L3MBTL4: variants seen among roughly 807,000 people sequenced by gnomAD.
L3MBTL4 encodes the protein lethal(3)malignant brain tumor-like protein 4.
In L3MBTL4, 70 loss-of-function variants were observed where a neutral mutation model predicts 84.5. That is an observed-to-expected ratio of 0.83 (90% CI 0.68 to 1.01). The LOEUF (loss-of-function observed/expected upper bound fraction) is 1.01, where lower values mean the gene tolerates loss of function less well. Among genes scored for constraint, L3MBTL4 ranks in the 50% least tolerant of loss-of-function variants. The pLI, the probability that L3MBTL4 is intolerant of heterozygous loss-of-function variation, is 0.00. For synonymous variants in L3MBTL4, 274 were observed against 259.8 expected (o/e 1.05, Z -0.52); for missense variants, 715 against 754.8 (o/e 0.95, Z 0.62).
intron 1 of L3MBTL4, among the ~76,000 whole-genome samples, chr18:6,387,692 A>G (rs954058007): frequency 1.3e-5 from 2 of 152,218 alleles, no homozygotes; most frequent in Non-Finnish European, 2.9e-5. Context: ...TTTAATTGTT[A>G]GCATCTTTCA....
At chr18:6,285,824 T>A in intron 4 of L3MBTL4, among the ~76,000 whole-genome samples, 1 of 144,672 alleles carries the variant, frequency 6.9e-6, no homozygotes, top group Middle Eastern at 3.6e-3. Context: ...ATTATTATTA[T>A]TATTATTATT....
chr18:6,124,965 G>T (rs989079535), intron 14 of L3MBTL4, among the ~76,000 whole-genome samples: 1 of 132,484 alleles, frequency 7.5e-6, no homozygotes, highest in Non-Finnish European at 1.8e-5. Context: ...ATTAGGAAAA[G>T]AAAAGATAAA....
chr18:6,071,000 A>T (rs1476996055), intron 16 of L3MBTL4, among the ~76,000 whole-genome samples: 1 of 152,214 alleles, frequency 6.6e-6, no homozygotes, highest in Non-Finnish European at 1.5e-5. Flanking sequence ...TAATAGAGGG[A>T]GAATGGTATA....
intron 15 of L3MBTL4, among the ~76,000 whole-genome samples, chr18:6,081,990 T>A (rs1221602046): frequency 6.6e-6 from 1 of 152,148 alleles, no homozygotes; most frequent in South Asian, 2.1e-4. Context: ...ACTAACCACA[T>A]GTACTTAATC....
At chr18:6,171,773 G>A (rs568731789) in intron 13 of L3MBTL4, 55 bp downstream of exon 13, 9 of 1,034,890 alleles carry the variant, frequency 8.7e-6, no homozygotes, top group Admixed American at 2.3e-5. Context: ...GCAACATTAC[G>A]GCTGGAAATC....
intron 5 of L3MBTL4, among the ~76,000 whole-genome samples, chr18:6,247,359 T>C (rs980014879): frequency 2.0e-5 from 3 of 151,964 alleles, no homozygotes; most frequent in Non-Finnish European, 1.5e-5. Context: ...ATGTTACGAG[T>C]TGACGAGCCT....
chr18:6,253,751 T>C (rs573362494), intron 5 of L3MBTL4, among the ~76,000 whole-genome samples: 1 of 152,328 alleles, frequency 6.6e-6, no homozygotes, highest in African/African-American at 2.4e-5. Flanking sequence ...CAATAAATCT[T>C]TTCATCATAA....
chr18:6,163,288 TGTGTGTGTGTGTGTGTGTGG>T (rs796762428), intron 13 of L3MBTL4, among the ~76,000 whole-genome samples: 2,230 of 126,228 alleles, frequency 0.018, 100 homozygotes, highest in African/African-American at 0.07. Context: ...TGTGTGTGTG[TGTGTGTGTGTGTGTGTGTGG>T]GTGGGTGTGT....
intron 16 of L3MBTL4, among the ~76,000 whole-genome samples, chr18:6,057,026 T>G (rs922358222): frequency 1.3e-5 from 2 of 152,058 alleles, no homozygotes. Flanking sequence ...TTTCTTTCTT[T>G]CTTTCTTTTT....
intron 16 of L3MBTL4, among the ~76,000 whole-genome samples, chr18:5,984,122 G>A (rs772977768): frequency 2.6e-4 from 39 of 152,260 alleles, no homozygotes; most frequent in Admixed American, 3.9e-4. Flanking sequence ...ATGTTGGCCA[G>A]GCTGGTCTTG....
Position 6,091,820 on chromosome 18 carries a change from T to C in L3MBTL4, c.1373+1535A>G, listed in dbSNP as rs1598720685. Among the ~76,000 whole-genome samples, 6 of 152,332 alleles carry C rather than the reference T, an allele frequency of 3.9e-5. No individual in the cohort carries two copies. In the South Asian group the frequency reaches 1.2e-3, roughly 32 times the overall value. On this transcript the variant is annotated intron_variant, in intron 15 of 18. Transcript: ENST00000317931. ...ATTTACAAGTGAAACTGACTAGGTT[T>C]TTATTTGAAAAAATACAACAGATTA...
chr18:6,178,573 T>C (rs1038554076), intron 12 of L3MBTL4, among the ~76,000 whole-genome samples: 5 of 152,198 alleles, frequency 3.3e-5, no homozygotes, highest in Non-Finnish European at 7.3e-5. Flanking sequence ...TGGGTTTGCA[T>C]AAAATAAACA....
chr18:6,142,074 G>C (rs1160543961), intron 13 of L3MBTL4, among the ~76,000 whole-genome samples: 1 of 152,114 alleles, frequency 6.6e-6, no homozygotes, highest in Non-Finnish European at 1.5e-5. Flanking sequence ...TTCACATCTT[G>C]GCTTATATTT....
chr18:6,308,149 G>T (rs551220244), intron 3 of L3MBTL4, among the ~76,000 whole-genome samples: 1 of 152,194 alleles, frequency 6.6e-6, no homozygotes, highest in Non-Finnish European at 1.5e-5. Context: ...TTATCTTTGT[G>T]TTGGAAGTTG....
chr18:6,179,029 T>C (rs1475626298), intron 12 of L3MBTL4, among the ~76,000 whole-genome samples: 1 of 152,226 alleles, frequency 6.6e-6, no homozygotes, highest in Admixed American at 6.5e-5. Context: ...CTTCTCATTG[T>C]TCTTTTGGGC....
At chr18:6,343,586 C>T (rs140465008) in intron 1 of L3MBTL4, among the ~76,000 whole-genome samples, 27 of 148,504 alleles carry the variant, frequency 1.8e-4, no homozygotes, top group African/African-American at 6.8e-4. Context: ...GGCGTGAACC[C>T]AAGAGGCAGA....
chr18:6,067,186 T>C (rs2145938861), intron 16 of L3MBTL4, among the ~76,000 whole-genome samples: 1 of 152,310 alleles, frequency 6.6e-6, no homozygotes, highest in East Asian at 1.9e-4. Flanking sequence ...GGATAGGTTT[T>C]CCTTTATAGG....
chr18:6,353,215 C>G (rs889417110), intron 1 of L3MBTL4, among the ~76,000 whole-genome samples: 8 of 151,528 alleles, frequency 5.3e-5, no homozygotes, highest in African/African-American at 1.9e-4. Flanking sequence ...ATCAACGCAA[C>G]TCACAGTTCA....
chr18:6,293,113 T>G (rs1278182960), intron 4 of L3MBTL4, among the ~76,000 whole-genome samples: 1 of 152,150 alleles, frequency 6.6e-6, no homozygotes, highest in Admixed American at 6.5e-5. Context: ...ATAAAACATT[T>G]TAAATATAGA....
Sources: gnomAD v4.1 joint callset for allele counts (sites outside exome capture counted in the v4.1 genomes callset) on GRCh38, gnomAD v4.1.1 for gene constraint, MANE v1.5 for transcripts, NCBI Gene and HGNC (gene_info 2026-07-23, HGNC 2026-07-21) for gene names.